The following MYO3B variants were observed in gnomAD, a reference collection of about 807,000 sequenced individuals.
The protein encoded by MYO3B is myosin-IIIb.
MYO3B carries 156 observed loss-of-function variants against 174.6 expected under a neutral mutation model. That is an observed-to-expected ratio of 0.89 (90% CI 0.78 to 1.02). The LOEUF (loss-of-function observed/expected upper bound fraction) is 1.02, where lower values mean the gene tolerates loss of function less well. MYO3B is among the 50% of genes least tolerant of loss of function. The probability of loss-of-function intolerance (pLI) is 0.00; values close to 1 mark genes in which losing one functional copy is unlikely to be tolerated. For synonymous variants in MYO3B, 563 were observed against 569.1 expected (o/e 0.99, Z 0.15); for missense variants, 1,632 against 1,639.4 (o/e 1.00, Z 0.08).
chr2:170,599,216 C>T (rs1238119406), intron 32 of MYO3B, among the ~76,000 whole-genome samples: 1 of 152,220 alleles, frequency 6.6e-6, no homozygotes, highest in Non-Finnish European at 1.5e-5. Flanking sequence ...GTAAGGACTA[C>T]ATCAAGCTAA....
At chr2:170,489,672 G>GTGTGTGTGTGTGTGTGTGTGT (rs1559050464) in intron 25 of MYO3B, among the ~76,000 whole-genome samples, 2 of 89,208 alleles carry the variant, frequency 2.2e-5, no homozygotes, top group Non-Finnish European at 5.3e-5. Flanking sequence ...TGTGTGTCTG[G>GTGTGTGTGTGTGTGTGTGTGT]GTAAGTGTGG....
intron 22 of MYO3B, among the ~76,000 whole-genome samples, chr2:170,439,959 C>T (rs188889106): frequency 7.2e-5 from 11 of 152,266 alleles, no homozygotes; most frequent in East Asian, 3.9e-4. Context: ...GGATTACAGG[C>T]GTGAGCCACC....
At chr2:170,232,826 G>C (rs2093029508) in intron 6 of MYO3B, among the ~76,000 whole-genome samples, 1 of 152,172 alleles carries the variant, frequency 6.6e-6, no homozygotes, top group African/African-American at 2.4e-5. Flanking sequence ...TATTTTATTA[G>C]CATAATTTTC....
intron 32 of MYO3B, among the ~76,000 whole-genome samples, chr2:170,563,045 C>CACACACACAT (rs1553522591): frequency 1.3e-5 from 2 of 149,380 alleles, no homozygotes; most frequent in Admixed American, 1.3e-4. Context: ...CACACACACA[C>CACACACACAT]ACACACACAC....
At chr2:170,637,523 A>G (rs1697620836) in intron 32 of MYO3B, among the ~76,000 whole-genome samples, 1 of 152,134 alleles carries the variant, frequency 6.6e-6, no homozygotes, top group Non-Finnish European at 1.5e-5. Context: ...GCTGATGCTA[A>G]TTTGTTGAGA....
intron 6 of MYO3B, among the ~76,000 whole-genome samples, chr2:170,231,272 C>G (rs973927021): frequency 6.6e-6 from 1 of 152,156 alleles, no homozygotes; most frequent in Non-Finnish European, 1.5e-5. Flanking sequence ...AGAGAATTGC[C>G]TCAACAATTG....
At chr2:170,282,434 G>T (rs554876479) in intron 7 of MYO3B, among the ~76,000 whole-genome samples, 1 of 151,982 alleles carries the variant, frequency 6.6e-6, no homozygotes, top group Non-Finnish European at 1.5e-5. Flanking sequence ...TTTACTTTGG[G>T]TTTATCTTTA....
chr2:170,543,819 A>G, intron 31 of MYO3B, 73 bp from the exon 32 acceptor site: 3 of 1,251,492 alleles, frequency 2.4e-6, no homozygotes, highest in Non-Finnish European at 1.1e-6. Flanking sequence ...CCTTCATTAA[A>G]TAGAAGCCAT....
intron 32 of MYO3B, among the ~76,000 whole-genome samples, chr2:170,650,903 C>T (rs1449028582): frequency 1.3e-5 from 2 of 151,630 alleles, no homozygotes; most frequent in East Asian, 3.9e-4. Context: ...AGGCTGGTCT[C>T]GAACTCCTGA....
intron 32 of MYO3B, among the ~76,000 whole-genome samples, chr2:170,583,213 A>G (rs1468916387): frequency 6.6e-6 from 1 of 152,050 alleles, no homozygotes; most frequent in East Asian, 1.9e-4. Flanking sequence ...AGTCTAGCTC[A>G]ATATAATCCA....
At chr2:170,459,724 C>A (rs542464580) in intron 23 of MYO3B, among the ~76,000 whole-genome samples, 1 of 152,202 alleles carries the variant, frequency 6.6e-6, no homozygotes, top group African/African-American at 2.4e-5. Context: ...GCATGGGAAC[C>A]CACTGGGGGT....
At chr2:170,481,670 A>T (rs1458842809) in intron 25 of MYO3B, among the ~76,000 whole-genome samples, 1 of 152,172 alleles carries the variant, frequency 6.6e-6, no homozygotes, top group African/African-American at 2.4e-5. Context: ...ATTAGGGAGG[A>T]TGACAGCTTC....
Position 170,236,151 on chromosome 2 carries a change from G to T in MYO3B, c.749+15G>T. 1.2e-6 allele frequency: 2 copies of T among 1,614,068 alleles called. No homozygotes were observed. The highest frequency in any genetic ancestry group is 1.1e-5 in the South Asian group (1 of 91,080). ...AAGATTCCAAGGTAAGACACAAGAT[G>T]GCGCTCTTGACTCATTAGTTCTTTG... On this transcript the variant is annotated intron_variant, in intron 7 of 34. Coordinates refer to ENST00000408978, the MANE Select transcript of MYO3B (RefSeq NM_138995.5).
intron 7 of MYO3B, among the ~76,000 whole-genome samples, chr2:170,243,790 C>T (rs1378111637): frequency 1.3e-5 from 2 of 152,066 alleles, no homozygotes; most frequent in African/African-American, 2.4e-5. Flanking sequence ...TTTGAAAGTT[C>T]AGCTAATTGA....
intron 32 of MYO3B, among the ~76,000 whole-genome samples, chr2:170,612,814 A>G (rs1695204313): frequency 6.6e-6 from 1 of 152,334 alleles, no homozygotes; most frequent in Non-Finnish European, 1.5e-5. Context: ...ACTTCAGGAC[A>G]AGCAACCTTA....
chr2:170,643,487 T>C lies in MYO3B; in HGVS notation c.3734-8141T>C, dbSNP rs544127752. On this transcript the variant is annotated intron_variant, in intron 32 of 34. Coordinates refer to ENST00000408978, the MANE Select transcript of MYO3B (RefSeq NM_138995.5). ...CAGAGGAGTGATGCACCTTTCTTTA[T>C]GCACAGAGTTGGCAGAGCTCTGTAA... 3.3e-5 allele frequency among the ~76,000 whole-genome samples: 5 copies of C among 152,308 alleles called. No individual in the cohort carries two copies. In the South Asian group the frequency reaches 1.0e-3, roughly 32 times the overall value.
At chr2:170,449,853 T>G (rs528496639) in intron 23 of MYO3B, among the ~76,000 whole-genome samples, 2 of 152,282 alleles carry the variant, frequency 1.3e-5, no homozygotes, top group Non-Finnish European at 2.9e-5. Context: ...GTTTATCACA[T>G]CAGCTCTCCA....
intron 6 of MYO3B, among the ~76,000 whole-genome samples, chr2:170,234,193 CAAAACAAAA>C (rs2093045915): frequency 8.8e-5 from 3 of 33,996 alleles, no homozygotes; most frequent in Non-Finnish European, 2.7e-4. Context: ...AAAAACAAAA[CAAAACAAAA>C]AAAAAACACC....
At chr2:170,337,346 A>G (rs1200185359) in intron 8 of MYO3B, among the ~76,000 whole-genome samples, 3 of 152,200 alleles carry the variant, frequency 2.0e-5, no homozygotes, top group South Asian at 4.1e-4. Flanking sequence ...ACACACAGAT[A>G]CCCTTGATTG....
Sources: gnomAD v4.1 joint callset for allele counts (sites outside exome capture counted in the v4.1 genomes callset) on GRCh38, gnomAD v4.1.1 for gene constraint, MANE v1.5 for transcripts, NCBI Gene and HGNC (gene_info 2026-07-23, HGNC 2026-07-21) for gene names.